Variants in NRP1 observed in about 807,000 individuals in gnomAD.
NRP1 encodes the protein neuropilin 1.
In NRP1, 35 loss-of-function variants were observed where a neutral mutation model predicts 106.7. The observed-to-expected ratio is 0.33, with a 90% CI of 0.25 to 0.43. NRP1 has a LOEUF of 0.43. NRP1 is among the 20% of genes least tolerant of loss of function. The probability of loss-of-function intolerance (pLI) is 1.00; values close to 1 mark genes in which losing one functional copy is unlikely to be tolerated. For missense variants in NRP1, 1,024 were observed against 1,170.4 expected (o/e 0.87, Z 1.83); for synonymous variants, 437 against 417.9 (o/e 1.05, Z -0.56).
In NRP1 at chr10:33,183,257, G is replaced by A. The variant is rs556376193; in HGVS notation, c.2432-509C>T. Among the ~76,000 whole-genome samples the A allele has an allele frequency of 1.7e-4, 26 of 151,930 alleles. No individual in the cohort carries two copies. The South Asian group carries it at 5.4e-3, about 32-fold the overall frequency. On this transcript the variant is annotated intron_variant, in intron 15 of 16. Coordinates refer to ENST00000374867, the MANE Select transcript of NRP1 (RefSeq NM_003873.7). ...GGAGATGGAGTTTACAGTGAGCCAT[G>A]ATGGTGCCACTGCACTCCACCCTGG...
intron 2 of NRP1, among the ~76,000 whole-genome samples, chr10:33,298,195 C>A (rs1447806564): frequency 6.6e-6 from 1 of 152,158 alleles, no homozygotes; most frequent in Non-Finnish European, 1.5e-5. Flanking sequence ...GTGAAAGTGA[C>A]ATTAAACTTA....
At chr10:33,291,123 C>T (rs1844965375) in intron 2 of NRP1, among the ~76,000 whole-genome samples, 3 of 152,132 alleles carry the variant, frequency 2.0e-5, no homozygotes, top group Admixed American at 1.3e-4. Flanking sequence ...AACCTTTATT[C>T]AGGGCTTTTA....
intron 2 of NRP1, among the ~76,000 whole-genome samples, chr10:33,286,726 A>G (rs953326156): frequency 6.6e-6 from 1 of 152,198 alleles, no homozygotes; most frequent in Non-Finnish European, 1.5e-5. Flanking sequence ...ATGCCAGCCA[A>G]GAACTCCAAA....
intron 2 of NRP1, among the ~76,000 whole-genome samples, chr10:33,318,447 G>C (rs7085270): frequency 6.6e-6 from 1 of 152,016 alleles, no homozygotes; most frequent in African/African-American, 2.4e-5. Context: ...CCCAGCTTGC[G>C]TGAATGAACT....
intron 3 of NRP1, among the ~76,000 whole-genome samples, chr10:33,265,893 AC>A (rs1390060556): frequency 2.0e-5 from 3 of 152,320 alleles, no homozygotes; most frequent in African/African-American, 7.2e-5. Context: ...TTCTGAGATG[AC>A]AGCGACTATG....
chr10:33,270,932 A>G, intron 2 of NRP1, 76 bp from the exon 3 acceptor site: 1 of 1,262,048 alleles, frequency 7.9e-7, no homozygotes, highest in Non-Finnish European at 1.1e-6. Context: ...AGACACCAGC[A>G]TCATCCAGCA....
Position 33,256,396 on chromosome 10 carries a change from A to G in NRP1, c.734T>C (p.Met245Thr), listed in dbSNP as rs1842197348. The G allele has an allele frequency of 6.2e-7, 1 of 1,614,214 alleles. No homozygotes were observed. The highest frequency in any genetic ancestry group is 8.5e-7 in the Non-Finnish European group (1 of 1,180,040). The change falls in exon 5 of 17, where the codon ATG becomes ACG. Residue 245 changes from methionine (M) to threonine (T), a missense_variant. By Grantham distance (81) the Met-to-Thr change is moderately conservative (BLOSUM62 -1). This residue lies in a region of NRP1 where 279 missense variants were observed against 327.4 expected (regional missense o/e 0.85). Coordinates refer to ENST00000374867, the MANE Select transcript of NRP1 (RefSeq NM_003873.7). ...TATCGCGCTGTCGGTGTAAAAAACC[A>G]TGGAGAGAATGCCCGATGAGGATCG... ...RIRSSSGILSMVFYTDSAIAK... is the reference protein window; with the variant it reads ...RIRSSSGILSTVFYTDSAIAK...
At chr10:33,217,045 A>G (rs1838837154) in intron 8 of NRP1, among the ~76,000 whole-genome samples, 1 of 152,154 alleles carries the variant, frequency 6.6e-6, no homozygotes, top group Non-Finnish European at 1.5e-5. Context: ...TACAAAAACA[A>G]TTTTACTAAG....
At chr10:33,202,569 G>T (rs543801033) in intron 11 of NRP1, 7 of 1,405,410 alleles carry the variant, frequency 5.0e-6, no homozygotes, top group Non-Finnish European at 5.6e-6. Context: ...CGTGTTATTG[G>T]GGGGGGGTCT....
At chr10:33,201,606 GTC>G (rs1837314717) in intron 11 of NRP1, 1 of 152,162 alleles carries the variant, frequency 6.6e-6, no homozygotes, top group Non-Finnish European at 1.5e-5. Context: ...CACAGAAAAT[GTC>G]TCTGCATTAA....
At chr10:33,212,676 A>AT (rs58249106) in intron 9 of NRP1, 4,279 of 150,130 alleles carry the variant, frequency 0.029, 172 homozygotes, top group African/African-American at 0.088. Flanking sequence ...ATCACAATTA[A>AT]TTTTTTTTTT....
At chr10:33,277,312 T>A (rs1013818939) in intron 2 of NRP1, among the ~76,000 whole-genome samples, 1 of 152,118 alleles carries the variant, frequency 6.6e-6, no homozygotes, top group African/African-American at 2.4e-5. Flanking sequence ...GCTGTCCTGG[T>A]CCTCCTGCTC....
chr10:33,302,171 A>G (rs1845847594), intron 2 of NRP1, among the ~76,000 whole-genome samples: 1 of 152,226 alleles, frequency 6.6e-6, no homozygotes, highest in Non-Finnish European at 1.5e-5. Context: ...TAATGGCTTT[A>G]TTATAACAAA....
intron 2 of NRP1, among the ~76,000 whole-genome samples, chr10:33,324,614 G>C (rs774104025): frequency 0.038 from 5,764 of 152,168 alleles, 352 homozygotes; most frequent in African/African-American, 0.13. Context: ...GACTTTCACT[G>C]TCTATGTTCA....
chr10:33,301,209 G>GA (rs562664246), intron 2 of NRP1, among the ~76,000 whole-genome samples: 47 of 152,316 alleles, frequency 3.1e-4, no homozygotes, highest in African/African-American at 1.1e-3. Flanking sequence ...GGGGAGAACT[G>GA]AATGTCGAGG....
chr10:33,206,484 A>G, intron 10 of NRP1: 1 of 319,526 alleles, frequency 3.1e-6, no homozygotes, highest in South Asian at 2.7e-5. Context: ...GGGTATGGTG[A>G]TTGATAGCTC....
At chr10:33,195,699 T>C in intron 12 of NRP1, 1 of 401,600 alleles carries the variant, frequency 2.5e-6, no homozygotes, top group Non-Finnish European at 5.0e-6. Context: ...GGGCATTGAC[T>C]TAGCCAGAAG....
Position 33,207,871 on chromosome 10 carries a change from GA to G in NRP1, c.1615-156del, listed in dbSNP as rs199740898. ...TACATCTCTTTCATAAACGAGAAAG[GA>G]AAAAAACAATTAAAGCTTCTCTAAG... On this transcript the variant is annotated intron_variant, in intron 9 of 16. Coordinates refer to ENST00000374867, the MANE Select transcript of NRP1 (RefSeq NM_003873.7). Among the ~76,000 whole-genome samples, 907 of 152,094 alleles carry G rather than the reference GA, an allele frequency of 6.0e-3. 4 individuals are homozygous for G. The highest frequency in any genetic ancestry group is 0.018 in the African/African-American group (734 of 41,512).
At chr10:33,259,815 A>C (rs1842452968) in intron 4 of NRP1, among the ~76,000 whole-genome samples, 1 of 152,180 alleles carries the variant, frequency 6.6e-6, no homozygotes, top group Non-Finnish European at 1.5e-5. Context: ...TTATGTGAAA[A>C]AATAAAAGTG....
Sources: gnomAD v4.1 joint callset for allele counts (sites outside exome capture counted in the v4.1 genomes callset) on GRCh38, gnomAD v4.1.1 for gene constraint, gnomAD v4.1.1 regional missense constraint, MANE v1.5 for transcripts, NCBI Gene and HGNC (gene_info 2026-07-23, HGNC 2026-07-21) for gene names.